Variants in ARHGAP26 observed in about 807,000 individuals in gnomAD.
The protein encoded by ARHGAP26 is rho GTPase-activating protein 26.
Under a neutral mutation model 104.8 loss-of-function variants are expected in ARHGAP26, and 38 were observed. The observed-to-expected ratio is 0.36, with a 90% CI of 0.28 to 0.48. ARHGAP26 has a LOEUF of 0.48. Among genes scored for constraint, ARHGAP26 ranks in the 20% least tolerant of loss-of-function variants. ARHGAP26 has a pLI of 0.99. For missense variants in ARHGAP26, 704 were observed against 947.9 expected, an observed-to-expected ratio of 0.74 and a Z score of 3.38; for synonymous variants, 341 against 340.0, an observed-to-expected ratio of 1.00 and a Z score of -0.03.
At chr5:143,199,615 C>T (rs1274403932) in intron 20 of ARHGAP26, among the ~76,000 whole-genome samples, 1 of 152,192 alleles carries the variant, frequency 6.6e-6, no homozygotes, top group African/African-American at 2.4e-5. Context: ...ATAGCACCAT[C>T]ACCACCTAAC....
chr5:143,103,507 C>T (rs980047104), intron 17 of ARHGAP26, among the ~76,000 whole-genome samples: 1 of 152,036 alleles, frequency 6.6e-6, no homozygotes, highest in Non-Finnish European at 1.5e-5. Context: ...ATGTTTATTG[C>T]AGCACTGTTC....
At chr5:143,074,115 A>G (rs1788649578) in intron 17 of ARHGAP26, among the ~76,000 whole-genome samples, 1 of 152,132 alleles carries the variant, frequency 6.6e-6, no homozygotes, top group South Asian at 2.1e-4. Context: ...TTTCATTTTA[A>G]CTAGTATTGC....
At chr5:143,176,124 A>G (rs763851681) in intron 20 of ARHGAP26, among the ~76,000 whole-genome samples, 3 of 152,158 alleles carry the variant, frequency 2.0e-5, no homozygotes, top group Non-Finnish European at 4.4e-5. Flanking sequence ...AAATAAGTAA[A>G]TAAATAAATA....
intron 11 of ARHGAP26, among the ~76,000 whole-genome samples, chr5:142,989,793 C>G (rs1158599043): frequency 6.6e-6 from 1 of 152,206 alleles, no homozygotes; most frequent in Non-Finnish European, 1.5e-5. Flanking sequence ...CCCCACTCTT[C>G]TGACTTGTAG....
intron 1 of ARHGAP26, among the ~76,000 whole-genome samples, chr5:142,790,634 T>C (rs983579882): frequency 6.6e-6 from 1 of 152,206 alleles, no homozygotes; most frequent in Non-Finnish European, 1.5e-5. Flanking sequence ...CTGCCTACCT[T>C]GCCTAATGCC....
chr5:142,773,545 G>A (rs538170305), intron 1 of ARHGAP26, among the ~76,000 whole-genome samples: 1 of 152,190 alleles, frequency 6.6e-6, no homozygotes, highest in Non-Finnish European at 1.5e-5. Context: ...TCTAGATCCC[G>A]TAAAGGAGAA....
Position 143,169,790 on chromosome 5 carries a change from A to C in ARHGAP26, c.1988+22409A>C, listed in dbSNP as rs1802520682. 1.3e-5 allele frequency: 2 copies of C among 152,146 alleles called. 1 individual carries two copies. The highest frequency in any genetic ancestry group is 4.1e-4 in the South Asian group (2 of 4,820). 9.4% of individuals were successfully genotyped at this position (152,146 alleles called of 1,614,324 possible). On this transcript the variant is annotated intron_variant, in intron 20 of 22. Coordinates refer to ENST00000645722, the MANE Select transcript of ARHGAP26 (RefSeq NM_001135608.3). ...ACAGCCACAGATGTCACTACACTGGACCTTTCTTATGGGGACTTCGTGAAG... is the reference window on the plus strand; with the variant it reads ...ACAGCCACAGATGTCACTACACTGGCCCTTTCTTATGGGGACTTCGTGAAG...
At chr5:142,994,094 T>A (rs1360701640) in intron 11 of ARHGAP26, among the ~76,000 whole-genome samples, 1 of 152,220 alleles carries the variant, frequency 6.6e-6, no homozygotes, top group East Asian at 1.9e-4. Flanking sequence ...CAGGATAAAT[T>A]TGTCACCTTG....
intron 1 of ARHGAP26, among the ~76,000 whole-genome samples, chr5:142,840,946 G>T (rs1430341888): frequency 6.6e-6 from 1 of 152,194 alleles, no homozygotes; most frequent in African/African-American, 2.4e-5. Flanking sequence ...TGGAATTTAT[G>T]TGTTTTCCTT....
chr5:142,999,779 T>C (rs932865825), intron 11 of ARHGAP26, among the ~76,000 whole-genome samples: 1 of 152,168 alleles, frequency 6.6e-6, no homozygotes, highest in South Asian at 2.1e-4. Flanking sequence ...AAAAATTGAC[T>C]TGATTTAAAT....
intron 11 of ARHGAP26, among the ~76,000 whole-genome samples, chr5:142,975,362 C>A (rs181982441): frequency 6.6e-6 from 1 of 150,434 alleles, no homozygotes. Context: ...AAACCTTTCT[C>A]CCAGCTTCTT....
chr5:143,049,866 G>T (rs1256905887), intron 14 of ARHGAP26, among the ~76,000 whole-genome samples: 1 of 152,188 alleles, frequency 6.6e-6, no homozygotes, highest in South Asian at 2.1e-4. Context: ...GAAGCATGCT[G>T]TGGTTCTTCC....
intron 20 of ARHGAP26, among the ~76,000 whole-genome samples, chr5:143,157,876 C>T (rs1202980528): frequency 6.6e-6 from 1 of 152,158 alleles, no homozygotes. Context: ...GTGGATCTAC[C>T]AGGGTCAAGC....
chr5:142,993,158 GTTTTTT>G (rs746933068), intron 11 of ARHGAP26, among the ~76,000 whole-genome samples: 1 of 102,654 alleles, frequency 9.7e-6, no homozygotes, highest in African/African-American at 4.0e-5. Flanking sequence ...TTTTTGTGTG[GTTTTTT>G]TTTTTTTTTT....
rs369114644 is a variant in ARHGAP26 at position 143,134,162 on chromosome 5, C to CA, written c.1837+58dup. On this transcript the variant is annotated intron_variant, in intron 19 of 22. Coordinates refer to ENST00000645722, the MANE Select transcript of ARHGAP26 (RefSeq NM_001135608.3). Reference sequence around the variant, plus strand: ...ATTCAGGGACATCCCATGCTACCTGCACGGCTCAGGGTGGACACTTCCAGC... The same window carrying CA: ...ATTCAGGGACATCCCATGCTACCTGCAACGGCTCAGGGTGGACACTTCCAGC... The CA allele has an allele frequency of 5.4e-5, 83 of 1,549,784 alleles. No individual in the cohort carries two copies. In the African/African-American group the frequency reaches 7.5e-4, roughly 14 times the overall value.
rs145349913 is a variant in ARHGAP26 at position 143,034,582 on chromosome 5, G to A, written c.1145-2614G>A. Reference sequence around the variant, plus strand: ...AAAGGAATTCTTCCCACAGCTGGGGGAAGGGAAGACATGGCTAATGTGTAT... The same window carrying A: ...AAAGGAATTCTTCCCACAGCTGGGGAAAGGGAAGACATGGCTAATGTGTAT... On this transcript the variant is annotated intron_variant, in intron 12 of 22. Transcript: ENST00000645722. Among the ~76,000 whole-genome samples, 215 of 152,292 alleles carry A rather than the reference G, an allele frequency of 1.4e-3. 1 individual carries two copies. The highest frequency in any genetic ancestry group is 4.7e-3 in the Admixed American group (72 of 15,292).
intron 19 of ARHGAP26, among the ~76,000 whole-genome samples, chr5:143,141,464 G>A (rs1321602179): frequency 1.3e-5 from 2 of 152,204 alleles, no homozygotes; most frequent in East Asian, 1.9e-4. Flanking sequence ...GGATATCTGT[G>A]TGCAGATGCA....
At chr5:143,199,756 G>C (rs1307463898) in intron 20 of ARHGAP26, among the ~76,000 whole-genome samples, 1 of 152,202 alleles carries the variant, frequency 6.6e-6, no homozygotes, top group African/African-American at 2.4e-5. Flanking sequence ...TGGCAGAGAC[G>C]TGCAAATGCC....
chr5:142,825,760 G>C (rs1039842427), intron 1 of ARHGAP26, among the ~76,000 whole-genome samples: 4 of 152,196 alleles, frequency 2.6e-5, no homozygotes, highest in Non-Finnish European at 4.4e-5. Context: ...TTCTAAAAAG[G>C]CTTTTCTGTC....
Sources: allele counts gnomAD v4.1 joint callset (sites outside exome capture counted in the v4.1 genomes callset), GRCh38; gene constraint gnomAD v4.1.1; transcripts MANE v1.5; gene names NCBI Gene and HGNC (gene_info 2026-07-23, HGNC 2026-07-21).